ATG7: variants seen among roughly 807,000 people sequenced by gnomAD.
ATG7 encodes the protein autophagy related 7, also known as ubiquitin-like modifier-activating enzyme ATG7.
A neutral mutation model predicts 82.4 loss-of-function variants in ATG7; 70 were observed. The observed-to-expected ratio is 0.85, with a 90% confidence interval of 0.70 to 1.04. The LOEUF (loss-of-function observed/expected upper bound fraction) is 1.04, where lower values mean the gene tolerates loss of function less well. Ranked by LOEUF, ATG7 falls within the 50% of genes least tolerant of loss-of-function variation. The probability of loss-of-function intolerance (pLI) is 0.00; values close to 1 mark genes in which losing one functional copy is unlikely to be tolerated. For missense variants in ATG7, 792 were observed against 864.3 expected (o/e 0.92, Z 1.05); for synonymous variants, 287 against 313.0 (o/e 0.92, Z 0.88).
chr3:11,434,897 T>C (rs2083236802), intron 20 of ATG7, among the ~76,000 whole-genome samples: 1 of 152,244 alleles, frequency 6.6e-6, no homozygotes, highest in African/African-American at 2.4e-5. Flanking sequence ...ATTGTACTCC[T>C]GGTTCCGCCA....
chr3:11,536,277 C>T (rs933469086), intron 20 of ATG7, among the ~76,000 whole-genome samples: 2 of 152,358 alleles, frequency 1.3e-5, no homozygotes, highest in Admixed American at 6.5e-5. Context: ...TTACTGAATA[C>T]AGCCCCTCAT....
Position 11,554,957 on chromosome 3 carries a change from C to T in ATG7, c.*114C>T. 2.2e-6 allele frequency: 3 copies of T among 1,356,382 alleles called. No individual in the cohort carries two copies. Among genetic ancestry groups the T allele is most frequent in the Non-Finnish European group, 3.0e-6 (3 of 1,005,876 alleles). The allele number at this position is 1,356,382 out of a possible 1,614,324, so 84.0% of individuals were successfully genotyped here. ...TGATTCTGGGCCCCTCCTCCATACC[C>T]CGAGGTCTGGGATTCCCCCCTCTGC... On this transcript the variant is annotated 3_prime_UTR_variant, in exon 21 of 21. Coordinates refer to ENST00000693202, the MANE Select transcript of ATG7 (RefSeq NM_001349232.2).
Position 11,399,664 on chromosome 3 carries a change from TC to T in ATG7, c.1956+19615del, listed in dbSNP as rs1487747939. Reference sequence around the variant, plus strand: ...ATCTCGGCTCACTGCAACCTCCACTTCCCGGGCTCAGACGATTCTCCTGCCT... The same window carrying T: ...ATCTCGGCTCACTGCAACCTCCACTTCCGGGCTCAGACGATTCTCCTGCCT... On this transcript the variant is annotated intron_variant, in intron 19 of 20. Transcript: ENST00000693202. 7.9e-5 allele frequency among the ~76,000 whole-genome samples: 12 copies of T among 151,672 alleles called. No homozygotes were observed. The East Asian group carries it at 2.4e-3, about 30-fold the overall frequency.
intron 20 of ATG7, among the ~76,000 whole-genome samples, chr3:11,433,739 C>T (rs953922428): frequency 6.6e-6 from 1 of 152,142 alleles, no homozygotes; most frequent in Admixed American, 6.5e-5. Flanking sequence ...TTGTACCATG[C>T]AGTTATGATT....
chr3:11,440,674 C>CATTTTTTTTTTTTTTTTTTTT (rs769737485), intron 20 of ATG7, among the ~76,000 whole-genome samples: 6 of 39,492 alleles, frequency 1.5e-4, no homozygotes, highest in African/African-American at 6.5e-4. Flanking sequence ...TCCCCATTTG[C>CATTTTTTTTTTTTTTTTTTTT]TTTTTTTTTT....
the ATG7 span, among the ~76,000 whole-genome samples, chr3:11,565,550 C>G: frequency 6.6e-6 from 1 of 152,196 alleles, no homozygotes; most frequent in Non-Finnish European, 1.5e-5. This position sits in a 1 kb window ranked among gnomAD's most constrained non-coding sequence, Gnocchi z 4.1. Flanking sequence ...ACCAGAACCC[C>G]AAGACTCAAG....
At chr3:11,400,711 A>G (rs1174107780) in intron 19 of ATG7, among the ~76,000 whole-genome samples, 2 of 152,140 alleles carry the variant, frequency 1.3e-5, no homozygotes, top group East Asian at 3.9e-4. Flanking sequence ...TTGGAGAGAG[A>G]GAATAATGTA....
intron 19 of ATG7, among the ~76,000 whole-genome samples, chr3:11,404,332 C>G (rs951637141): frequency 1.2e-4 from 18 of 151,734 alleles, no homozygotes; most frequent in African/African-American, 4.1e-4. Flanking sequence ...GATGGCGTTT[C>G]ACCATATTGG....
chr3:11,515,971 AG>A (rs2092266190), intron 20 of ATG7, among the ~76,000 whole-genome samples: 1 of 151,844 alleles, frequency 6.6e-6, no homozygotes, highest in African/African-American at 2.4e-5. Context: ...AGTTTGTGGA[AG>A]GGCAGGGTAG....
chr3:11,519,553 T>TG (rs1198998472), intron 20 of ATG7, among the ~76,000 whole-genome samples: 1 of 94,294 alleles, frequency 1.1e-5, no homozygotes, highest in East Asian at 2.8e-4. Context: ...TTTTTTTTTT[T>TG]TTTTTTTTTT....
At chr3:11,427,453 A>C (rs1181833045) in intron 20 of ATG7, among the ~76,000 whole-genome samples, 1 of 151,832 alleles carries the variant, frequency 6.6e-6, no homozygotes, top group Non-Finnish European at 1.5e-5. Flanking sequence ...TCTCAGCTAA[A>C]ATATTTTGCA....
downstream of ATG7, among the ~76,000 whole-genome samples, chr3:11,562,661 C>T (rs1193808558): frequency 2.6e-5 from 4 of 152,340 alleles, no homozygotes; most frequent in South Asian, 2.1e-4. Context: ...GCCACGCTGC[C>T]GCAGGAAGGA....
At chr3:11,503,939 A>G (rs1016816335) in intron 20 of ATG7, among the ~76,000 whole-genome samples, 23 of 152,248 alleles carry the variant, frequency 1.5e-4, no homozygotes, top group African/African-American at 5.5e-4. Context: ...GGCTAGAAGC[A>G]ATATTCAAAT....
At chr3:11,558,701 T>G, downstream of ATG7, 1 of 1,614,056 alleles carries the variant, frequency 6.2e-7, no homozygotes, top group Non-Finnish European at 8.5e-7. Flanking sequence ...ACCCAGAGCT[T>G]TGGCAAAGTG....
intron 15 of ATG7, 51 bp from the exon 16 acceptor site, chr3:11,360,530 T>C: frequency 6.5e-7 from 1 of 1,542,606 alleles, no homozygotes; most frequent in Non-Finnish European, 8.8e-7. Flanking sequence ...AGCCACAGCT[T>C]GAAATATATG....
At chr3:11,395,784 C>CAA (rs1325755091) in intron 19 of ATG7, among the ~76,000 whole-genome samples, 1 of 151,524 alleles carries the variant, frequency 6.6e-6, no homozygotes, top group Non-Finnish European at 1.5e-5. Flanking sequence ...ACTAAAAATA[C>CAA]AAAAAATTAG....
chr3:11,476,851 C>T (rs2088304004), intron 20 of ATG7, among the ~76,000 whole-genome samples: 1 of 152,148 alleles, frequency 6.6e-6, no homozygotes, highest in South Asian at 2.1e-4. Flanking sequence ...TTGATCAAAA[C>T]ATGACTCCAC....
At chr3:11,288,008 AT>A in intron 3 of ATG7, among the ~76,000 whole-genome samples, 1 of 152,210 alleles carries the variant, frequency 6.6e-6, no homozygotes, top group East Asian at 1.9e-4. Flanking sequence ...TGGTTTTTGC[AT>A]TTTTTTAAGG....
downstream of ATG7, chr3:11,558,213 T>A (rs2072616726): frequency 1.4e-5 from 5 of 357,184 alleles, no homozygotes; most frequent in Admixed American, 1.7e-4. Flanking sequence ...GAGTCACCAA[T>A]TCATCATGGC....
Sources: allele counts gnomAD v4.1 joint callset (sites outside exome capture counted in the v4.1 genomes callset), GRCh38; gene constraint gnomAD v4.1.1; non-coding constraint Gnocchi (gnomAD v3.1); transcripts MANE v1.5; gene names NCBI Gene and HGNC (gene_info 2026-07-23, HGNC 2026-07-21).